DNAJC2: variants seen among roughly 807,000 people sequenced by gnomAD.
The protein encoded by DNAJC2 is dnaJ homolog subfamily C member 2.
DNAJC2 carries 32 observed loss-of-function variants against 94.0 expected under a neutral mutation model. The observed-to-expected ratio is 0.34, with a 90% CI of 0.26 to 0.46. DNAJC2 has a LOEUF of 0.46. DNAJC2 is among the 20% of genes least tolerant of loss of function. The pLI, the probability that DNAJC2 is intolerant of heterozygous loss-of-function variation, is 1.00. For missense variants in DNAJC2, 550 were observed against 719.5 expected (o/e 0.76, Z 2.69); for synonymous variants, 210 against 229.7 (o/e 0.91, Z 0.77).
intron 1 of DNAJC2, 38 bp from the exon 2 acceptor site, chr7:103,341,992 G>A (rs771506100): frequency 2.3e-5 from 33 of 1,433,584 alleles, no homozygotes; most frequent in African/African-American, 5.7e-5. Flanking sequence ...TCAGTGTATC[G>A]CATGGAATAA....
In DNAJC2 at chr7:103,319,617, C is replaced by T. The variant is rs748748450; in HGVS notation, c.1234G>A (p.Glu412Lys). The stretch of plus-strand genomic sequence containing the variant: ...ATGTGTTCCTCTATTACCTGTTTTT[C>T]CAAAGCAGCCTTTCCTACTTCTTTT... ...CTKEVGKAALEKQIEEINEQI... is the reference protein window; with the variant it reads ...CTKEVGKAALKKQIEEINEQI... The change falls in exon 12 of 17, where the codon GAA becomes AAA. Residue 412 changes from glutamate to lysine, a missense_variant. Around this residue, in one of 2 missense-constraint regions of DNAJC2, gnomAD observed 271 missense variants for 302.6 expected, o/e 0.90. Coordinates refer to ENST00000379263, the MANE Select transcript of DNAJC2 (RefSeq NM_014377.3). The T allele has an allele frequency of 6.2e-7, 1 of 1,613,994 alleles. No homozygotes were observed. The highest frequency in any genetic ancestry group is 1.1e-5 in the South Asian group (1 of 91,068).
intron 3 of DNAJC2, chr7:103,336,054 C>G (rs907099055): frequency 1.3e-5 from 2 of 152,342 alleles, no homozygotes; most frequent in African/African-American, 4.8e-5. Context: ...CTAATCCCAG[C>G]TACTCAAGAG....
chr7:103,317,107 C>G (rs576186404), intron 12 of DNAJC2, 93 bp from the exon 13 acceptor site: 2 of 1,098,670 alleles, frequency 1.8e-6, no homozygotes, highest in Admixed American at 2.3e-5. Context: ...CCTCAACTCT[C>G]AATGTCATTC....
chr7:103,326,815 G>T, intron 4 of DNAJC2, 131 bp from the exon 5 acceptor site: 3 of 875,628 alleles, frequency 3.4e-6, no homozygotes, highest in Non-Finnish European at 5.0e-6. Context: ...TTGCAGGTTG[G>T]GGAGGATTTA....
At chr7:103,338,645 C>T (rs1451216296) in intron 2 of DNAJC2, among the ~76,000 whole-genome samples, 17 of 152,106 alleles carry the variant, frequency 1.1e-4, no homozygotes, top group Admixed American at 9.8e-4. Context: ...GGCATGCCAG[C>T]TTACGCCTGT....
chr7:103,336,964 C>T (rs1819197216), intron 3 of DNAJC2: 1 of 152,212 alleles, frequency 6.6e-6, no homozygotes, highest in African/African-American at 2.4e-5. Flanking sequence ...TATAATACTT[C>T]CTCTTCTTGA....
intron 10 of DNAJC2, among the ~76,000 whole-genome samples, chr7:103,321,089 T>C (rs1818380260): frequency 6.6e-6 from 1 of 151,602 alleles, no homozygotes; most frequent in Admixed American, 6.6e-5. Context: ...TCCCAGCTAC[T>C]TGGGTGGCCA....
intron 4 of DNAJC2, 152 bp downstream of exon 4, chr7:103,327,504 G>T: frequency 1.5e-6 from 1 of 682,992 alleles, no homozygotes; most frequent in Non-Finnish European, 2.4e-6. Flanking sequence ...GAGGCTCTGG[G>T]GTGATGATTA....
chr7:103,331,614 T>C (rs949029158), intron 3 of DNAJC2, among the ~76,000 whole-genome samples: 1 of 152,218 alleles, frequency 6.6e-6, no homozygotes, highest in African/African-American at 2.4e-5. Context: ...ACATGCAATA[T>C]TTGCCTTTCT....
rs1586111242 is a variant in DNAJC2 at position 103,337,380 on chromosome 7, C to T, written c.331+356G>A. 1.8e-5 allele frequency: 3 copies of T among 165,656 alleles called. No homozygotes were observed. The East Asian group carries it at 5.0e-4, about 28-fold the overall frequency. The allele number at this position is 165,656 out of a possible 1,614,324, so 10.3% of individuals were successfully genotyped here. On this transcript the variant is annotated intron_variant, in intron 3 of 16. Transcript: ENST00000379263. ...TTACAAAATAACGTAAAAAAAAAAC[C>T]AAAAACCAAAAAACAATAAAAAGGC...
At chr7:103,322,376 C>G in intron 9 of DNAJC2, 135 bp downstream of exon 9, 1 of 956,292 alleles carries the variant, frequency 1.0e-6, no homozygotes, top group Non-Finnish European at 1.5e-6. Context: ...ACCAACTGGT[C>G]ATGATTCATT....
rs750260585 is a variant in DNAJC2 at position 103,312,927 on chromosome 7, T to C, written c.1791+20A>G. On this transcript the variant is annotated intron_variant, in intron 16 of 16. Transcript: ENST00000379263. ...CTACAATTTAAAATACAACAATCTA[T>C]AAACGCTTAAGTCTGCAACCTTGTA... is the stretch of plus-strand genomic sequence containing the variant. 1 of 1,597,924 alleles carries C rather than the reference T, an allele frequency of 6.3e-7. No individual in the cohort carries two copies. Among genetic ancestry groups the C allele is most frequent in the South Asian group, 1.1e-5 (1 of 87,842 alleles).
chr7:103,321,773 C>A (rs898530202), intron 10 of DNAJC2, among the ~76,000 whole-genome samples, 159 bp downstream of exon 10: 1 of 151,982 alleles, frequency 6.6e-6, no homozygotes, highest in Non-Finnish European at 1.5e-5. Context: ...CGCTCGAACC[C>A]GGAGGCGGAA....
intron 12 of DNAJC2, 90 bp downstream of exon 12, chr7:103,319,519 G>A: frequency 8.6e-7 from 1 of 1,160,492 alleles, no homozygotes; most frequent in Non-Finnish European, 1.3e-6. Context: ...GATACTCCCT[G>A]CACTTGGTGA....
chr7:103,334,628 AAG>A (rs1351095225), intron 3 of DNAJC2, among the ~76,000 whole-genome samples: 1 of 151,924 alleles, frequency 6.6e-6, no homozygotes, highest in Non-Finnish European at 1.5e-5. Flanking sequence ...AAAAAAAAAA[AAG>A]AGAGACAAGG....
chr7:103,324,544 AT>A lies in DNAJC2; in HGVS notation c.590del (p.Asn197MetfsTer8). 7.1e-5 allele frequency: 105 copies of A among 1,484,894 alleles called. No homozygotes were observed. The highest frequency in any genetic ancestry group is 1.9e-4 in the Admixed American group (8 of 41,750). 92.0% of individuals were successfully genotyped at this position (1,484,894 alleles called of 1,614,324 possible). On this transcript the variant is annotated frameshift_variant, in exon 6 of 17. Transcript: ENST00000379263. LOFTEE classifies it high-confidence loss of function. The stretch of plus-strand genomic sequence containing the variant: ...AATTCATATCACCAAGTTTAGGAAC[AT>A]TTTTTTTATTTGACCATCTGAAATA... ...ERNSRWSNKKNVPKLGDMNSS... is the reference protein window; with the variant it reads ...ERNSRWSNKKXVPKLGDMNSS...
chr7:103,331,618 C>T (rs765410359), intron 3 of DNAJC2, among the ~76,000 whole-genome samples: 1 of 152,194 alleles, frequency 6.6e-6, no homozygotes, highest in East Asian at 1.9e-4. Context: ...GCAATATTTG[C>T]CTTTCTGTGC....
intron 2 of DNAJC2, among the ~76,000 whole-genome samples, chr7:103,339,078 AC>A (rs904980773): frequency 3.3e-5 from 5 of 152,244 alleles, no homozygotes; most frequent in African/African-American, 1.2e-4. Context: ...CATTTTCCAA[AC>A]TTACTTGACC....
chr7:103,326,863 C>T (rs1393824354), intron 4 of DNAJC2, among the ~76,000 whole-genome samples, 179 bp from the exon 5 acceptor site: 1 of 152,160 alleles, frequency 6.6e-6, no homozygotes, highest in Non-Finnish European at 1.5e-5. Context: ...CTGGATATAA[C>T]TGGACTTAAC....
Sources: allele counts gnomAD v4.1 joint callset (sites outside exome capture counted in the v4.1 genomes callset), GRCh38; gene constraint gnomAD v4.1.1; regional missense constraint gnomAD v4.1.1; transcripts MANE v1.5; gene names NCBI Gene and HGNC (gene_info 2026-07-23, HGNC 2026-07-21).